HESX1: variants seen among roughly 807,000 people sequenced by gnomAD.
The protein encoded by HESX1 is HESX homeobox 1.
HESX1 carries 11 observed loss-of-function variants against 22.5 expected under a neutral mutation model. The observed-to-expected ratio is 0.49, with a 90% CI of 0.31 to 0.81. The LOEUF is 0.81. Among genes scored for constraint, HESX1 ranks in the 30% least tolerant of loss-of-function variants. The probability of loss-of-function intolerance (pLI) is 0.05; values close to 1 mark genes in which losing one functional copy is unlikely to be tolerated. For synonymous variants in HESX1, 74 were observed against 76.5 expected, an observed-to-expected ratio of 0.97 and a Z score of 0.17; for missense variants, 201 against 212.6, an observed-to-expected ratio of 0.95 and a Z score of 0.34.
At position 57,199,817 on chromosome 3, in the gene HESX1, G is replaced by C. The variant is rs930423549; in HGVS notation, c.102C>G (p.Asp34Glu). The C allele has an allele frequency of 2.5e-6, 4 of 1,614,060 alleles. No homozygotes were observed. The highest frequency in any genetic ancestry group is 1.7e-5 in the Admixed American group (1 of 60,006). The change falls in exon 1 of 4, where the codon GAC becomes GAG. Residue 34 changes from aspartate (D) to glutamate (E), a missense_variant. By Grantham distance (45) the Asp-to-Glu change is conservative. Transcript: ENST00000295934. The part of the protein sequence containing the change: ...ERILGLDQKK[D>E]CVPLMKPHRP... ...TGTGGGGTTTCATTAATGGAACACA[G>C]TCTTTCTTCTGGTCCAGTCCTAAGA...
At chr3:57,199,102 A>C (rs1204235873) in intron 1 of HESX1, 150 bp from the exon 2 acceptor site, 4 of 699,530 alleles carry the variant, frequency 5.7e-6, no homozygotes, top group Non-Finnish European at 9.8e-6. Flanking sequence ...AAAACCAATA[A>C]AAAATGAAGA....
intron 1 of HESX1, among the ~76,000 whole-genome samples, chr3:57,209,671 CAAAAAAA>C (rs71088042): frequency 9.7e-5 from 8 of 82,142 alleles, no homozygotes; most frequent in African/African-American, 3.0e-4. Flanking sequence ...AGCTCCATCT[CAAAAAAA>C]AAAAAAAAAA....
chr3:57,215,411 C>T (rs1053171959), intron 1 of HESX1, among the ~76,000 whole-genome samples: 1 of 152,042 alleles, frequency 6.6e-6, no homozygotes, highest in Non-Finnish European at 1.5e-5. Flanking sequence ...TTACCACTGT[C>T]CAGGACCCAA....
chr3:57,212,160 C>T lies in HESX1; in HGVS notation c.-110-12132G>A, dbSNP rs569777145. On this transcript the variant is annotated intron_variant, in intron 1 of 2. Transcript: ENST00000495160. ...AAGTATTATATTTTTCATTTTCAAACCAGTTAAAATTGTTTACAGTATAAT... is the reference window on the plus strand; with the variant it reads ...AAGTATTATATTTTTCATTTTCAAATCAGTTAAAATTGTTTACAGTATAAT... Among the ~76,000 whole-genome samples the T allele has an allele frequency of 3.9e-5, 6 of 152,232 alleles. No individual in the cohort carries two copies. The South Asian group carries it at 1.2e-3, about 32-fold the overall frequency.
chr3:57,210,690 G>A (rs1325334733), intron 1 of HESX1, among the ~76,000 whole-genome samples: 1 of 152,174 alleles, frequency 6.6e-6, no homozygotes, highest in Non-Finnish European at 1.5e-5. Flanking sequence ...TGGACAGATG[G>A]GACTAGCAAG....
At chr3:57,201,855 ATATCTATATCTATC>A (rs1332896520), upstream of HESX1, among the ~76,000 whole-genome samples, 20 of 142,978 alleles carry the variant, frequency 1.4e-4, no homozygotes, top group Non-Finnish European at 2.6e-4. Flanking sequence ...TTGGATTTAC[ATATCTATATCTATC>A]TATCTATATC....
intron 1 of HESX1, among the ~76,000 whole-genome samples, chr3:57,213,168 G>A (rs2107579062): frequency 6.6e-6 from 1 of 152,112 alleles, no homozygotes; most frequent in East Asian, 1.9e-4. Flanking sequence ...CAGATAATGA[G>A]GCATATAGGT....
At chr3:57,211,199 C>A (rs1214524770) in intron 1 of HESX1, among the ~76,000 whole-genome samples, 1 of 140,798 alleles carries the variant, frequency 7.1e-6, no homozygotes, top group African/African-American at 2.7e-5. Context: ...GCCTGGGCAA[C>A]AGAGTGAAAC....
chr3:57,210,773 C>T (rs1302558833), intron 1 of HESX1, among the ~76,000 whole-genome samples: 1 of 152,120 alleles, frequency 6.6e-6, no homozygotes, highest in East Asian at 1.9e-4. Context: ...TTTACTTGAA[C>T]AGGGTTTAAC....
At chr3:57,227,317 G>A (rs2107590986), upstream of HESX1, among the ~76,000 whole-genome samples, 1 of 152,330 alleles carries the variant, frequency 6.6e-6, no homozygotes, top group East Asian at 1.9e-4. Context: ...CCATTCTGCT[G>A]GAGGGGATTA....
At chr3:57,213,792 G>A (rs1307774641) in intron 1 of HESX1, among the ~76,000 whole-genome samples, 8 of 151,656 alleles carry the variant, frequency 5.3e-5, no homozygotes, top group Non-Finnish European at 8.8e-5. Flanking sequence ...GCGGTGGCAG[G>A]CATCTGTAAT....
chr3:57,198,451 A>G lies in HESX1; in HGVS notation c.399T>C (p.Pro133=), dbSNP rs754686213. ...LENVFRVNCY[P]GIDIREDLAQ... ...CTAAGTCTTCTCTAATATCGATACC[A>G]GGATAGCAGTTTACTCTAAAGACAT... The change falls in exon 3 of 4, where the codon CCT becomes CCC. Residue 133 remains proline, a synonymous_variant. Transcript: ENST00000295934. 1.9e-5 allele frequency: 30 copies of G among 1,606,176 alleles called. No individual in the cohort carries two copies. The highest frequency in any genetic ancestry group is 1.2e-4 in the South Asian group (11 of 90,638).
At chr3:57,216,528 C>T (rs989365738) in intron 1 of HESX1, among the ~76,000 whole-genome samples, 5 of 152,162 alleles carry the variant, frequency 3.3e-5, no homozygotes, top group African/African-American at 1.2e-4. Context: ...GGGAGGATCA[C>T]CTGAGCCCAG....
chr3:57,225,787 ACAC>A (rs1358479428), intron 1 of HESX1, among the ~76,000 whole-genome samples: 1 of 152,060 alleles, frequency 6.6e-6, no homozygotes, highest in Non-Finnish European at 1.5e-5. Flanking sequence ...TGACAATACC[ACAC>A]CCAGATAATT....
chr3:57,213,005 G>A (rs1012448087), intron 1 of HESX1, among the ~76,000 whole-genome samples: 2 of 151,858 alleles, frequency 1.3e-5, no homozygotes, highest in African/African-American at 4.8e-5. Context: ...ATGCACATGG[G>A]GTCAAACGTG....
chr3:57,211,794 C>G (rs1279394807), intron 1 of HESX1, among the ~76,000 whole-genome samples: 1 of 151,624 alleles, frequency 6.6e-6, no homozygotes, highest in Non-Finnish European at 1.5e-5. Context: ...GATCGCGCCA[C>G]TGCACTCCAG....
At chr3:57,212,687 C>T (rs1194024181) in intron 1 of HESX1, among the ~76,000 whole-genome samples, 1 of 151,932 alleles carries the variant, frequency 6.6e-6, no homozygotes, top group African/African-American at 2.4e-5. Context: ...TTACTTTTAC[C>T]CCATCTTACC....
At chr3:57,225,282 AT>A (rs2060635562) in intron 1 of HESX1, among the ~76,000 whole-genome samples, 1 of 152,220 alleles carries the variant, frequency 6.6e-6, no homozygotes, top group Admixed American at 6.5e-5. Flanking sequence ...TTAAAACTAG[AT>A]TTGACTAAAC....
At chr3:57,211,111 G>C (rs542870743) in intron 1 of HESX1, among the ~76,000 whole-genome samples, 2 of 151,924 alleles carry the variant, frequency 1.3e-5, no homozygotes, top group African/African-American at 4.8e-5. Context: ...CCAGCTACTA[G>C]GGAGGCTGAG....
Sources: gnomAD v4.1 joint callset for allele counts (sites outside exome capture counted in the v4.1 genomes callset) on GRCh38, gnomAD v4.1.1 for gene constraint, MANE v1.5 for transcripts, NCBI Gene and HGNC (gene_info 2026-07-23, HGNC 2026-07-21) for gene names.